Variants in EFR3A observed in about 807,000 individuals in gnomAD.
EFR3A encodes EFR3 homolog A.
EFR3A carries 76 observed loss-of-function variants against 104.4 expected under a neutral mutation model. The observed-to-expected ratio is 0.73, with a 90% CI of 0.60 to 0.88. The LOEUF is 0.88. Ranked by LOEUF, EFR3A falls within the 40% of genes least tolerant of loss-of-function variation. The probability of loss-of-function intolerance (pLI) is 0.00; values close to 1 mark genes in which losing one functional copy is unlikely to be tolerated. For missense variants in EFR3A, 985 were observed against 1,012.5 expected, an observed-to-expected ratio of 0.97 and a Z score of 0.37; for synonymous variants, 330 against 330.0, an observed-to-expected ratio of 1.00 and a Z score of 0.00.
At chr8:131,963,844 C>G (rs1244780092) in intron 8 of EFR3A, among the ~76,000 whole-genome samples, 1 of 152,212 alleles carries the variant, frequency 6.6e-6, no homozygotes, top group Non-Finnish European at 1.5e-5. Flanking sequence ...CAAACCAAAT[C>G]CAGCAGCACA....
intron 7 of EFR3A, 82 bp from the exon 8 acceptor site, chr8:131,959,503 A>T: frequency 9.1e-7 from 1 of 1,098,538 alleles, no homozygotes; most frequent in Non-Finnish European, 1.3e-6. Flanking sequence ...TCTCACTATT[A>T]AGCTTTTCCT....
At chr8:131,935,866 CTT>C (rs371148052) in intron 1 of EFR3A, among the ~76,000 whole-genome samples, 3 of 139,932 alleles carry the variant, frequency 2.1e-5, no homozygotes, top group African/African-American at 7.9e-5. Context: ...TTAAAGGGGT[CTT>C]TTTTTTTTTA....
intron 17 of EFR3A, among the ~76,000 whole-genome samples, chr8:131,987,048 T>C (rs1203710683): frequency 6.6e-6 from 1 of 152,080 alleles, no homozygotes; most frequent in Admixed American, 6.6e-5. Context: ...ATATGAATAA[T>C]ATTTTGTTTG....
At chr8:131,963,944 C>T (rs1819548215) in intron 8 of EFR3A, among the ~76,000 whole-genome samples, 1 of 152,140 alleles carries the variant, frequency 6.6e-6, no homozygotes, top group African/African-American at 2.4e-5. Context: ...TGTAATCCAG[C>T]ATATAAACAG....
intron 1 of EFR3A, among the ~76,000 whole-genome samples, chr8:131,923,353 TG>T (rs1817143560): frequency 6.6e-6 from 1 of 152,150 alleles, no homozygotes; most frequent in Non-Finnish European, 1.5e-5. Context: ...TCTTTTAAAT[TG>T]TTTAATTGTG....
At chr8:131,996,234 A>G (rs1821476228) in intron 18 of EFR3A, among the ~76,000 whole-genome samples, 172 bp from the exon 19 acceptor site, 1 of 152,156 alleles carries the variant, frequency 6.6e-6, no homozygotes, top group Non-Finnish European at 1.5e-5. Context: ...AATCTGCTTC[A>G]CGAAATGTAA....
At chr8:131,948,775 A>T (rs919399185) in intron 4 of EFR3A, among the ~76,000 whole-genome samples, 4 of 152,126 alleles carry the variant, frequency 2.6e-5, no homozygotes, top group Non-Finnish European at 5.9e-5. Context: ...ATGCCATGTT[A>T]TCTTGACCAA....
chr8:131,972,745 A>G lies in EFR3A; in HGVS notation c.1159+2102A>G, dbSNP rs530884304. On this transcript the variant is annotated intron_variant, in intron 10 of 22. Transcript: ENST00000254624. ...TCTAACCTAATAATAGTTTCAATTA[A>G]TAGTAGAGTCATATATAAATTTCTT... Among the ~76,000 whole-genome samples, 6 of 152,284 alleles carry G rather than the reference A, an allele frequency of 3.9e-5. No individual in the cohort carries two copies. The South Asian group carries it at 1.2e-3, about 32-fold the overall frequency.
chr8:131,946,101 A>G (rs1028537869), intron 3 of EFR3A, among the ~76,000 whole-genome samples: 3 of 152,060 alleles, frequency 2.0e-5, no homozygotes, highest in South Asian at 2.1e-4. Context: ...ATTTAGACAT[A>G]TAAGTAGATT....
At chr8:131,946,051 A>G (rs1352109331) in intron 3 of EFR3A, among the ~76,000 whole-genome samples, 1 of 152,076 alleles carries the variant, frequency 6.6e-6, no homozygotes, top group African/African-American at 2.4e-5. Flanking sequence ...TGAGATTTTT[A>G]AAATAATATT....
At chr8:131,937,451 A>G (rs575734970) in intron 1 of EFR3A, among the ~76,000 whole-genome samples, 3 of 152,248 alleles carry the variant, frequency 2.0e-5, no homozygotes, top group Admixed American at 2.0e-4. Context: ...GTTATAATTT[A>G]TCCACTGTGT....
intron 1 of EFR3A, among the ~76,000 whole-genome samples, chr8:131,909,148 G>A (rs1816388570): frequency 6.6e-6 from 1 of 152,174 alleles, no homozygotes; most frequent in South Asian, 2.1e-4. Flanking sequence ...TCCCCCACAT[G>A]CTTCTGGCCT....
At chr8:131,981,036 TATATATATAC>T (rs140665251) in intron 14 of EFR3A, among the ~76,000 whole-genome samples, 46,785 of 148,848 alleles carry the variant, frequency 0.31, 7,730 homozygotes, top group East Asian at 0.61. Context: ...TATATATATA[TATATATATAC>T]ACACACTACA....
chr8:131,950,304 C>T (rs973314912), intron 5 of EFR3A, among the ~76,000 whole-genome samples: 4 of 152,176 alleles, frequency 2.6e-5, no homozygotes, highest in Admixed American at 2.0e-4. Context: ...TAGAATGTCT[C>T]TTCATGCCCT....
chr8:131,989,363 CCAT>C (rs898387935), intron 18 of EFR3A, among the ~76,000 whole-genome samples: 3 of 152,022 alleles, frequency 2.0e-5, no homozygotes, highest in African/African-American at 7.2e-5. Context: ...CATGTAGTAC[CCAT>C]CATCATCACA....
chr8:131,977,148 T>C (rs1469737484), intron 12 of EFR3A, 56 bp downstream of exon 12: 1 of 1,238,922 alleles, frequency 8.1e-7, no homozygotes, highest in Non-Finnish European at 1.2e-6. Context: ...CTGAAAACAT[T>C]AATTGAATAG....
rs1027418728 is a variant in EFR3A at position 132,010,343 on chromosome 8, T to C, written c.2361-447T>C. 2.0e-5 allele frequency among the ~76,000 whole-genome samples: 3 copies of C among 147,628 alleles called. No homozygotes were observed. The South Asian group carries it at 6.3e-4, about 31-fold the overall frequency. On this transcript the variant is annotated intron_variant, in intron 22 of 22. Coordinates refer to ENST00000254624, the MANE Select transcript of EFR3A (RefSeq NM_015137.6). ...TGTATAAGAACAGACTTTTTAACAT[T>C]ATTTATCATGATGAAAAAATGAAAA... is the stretch of plus-strand genomic sequence containing the variant.
At position 132,010,913 on chromosome 8, in the gene EFR3A, C is replaced by T. The variant is rs771395841; in HGVS notation, c.*18C>T. 4.4e-6 allele frequency: 7 copies of T among 1,577,058 alleles called. No individual in the cohort carries two copies. In the African/African-American group the frequency reaches 5.4e-5, roughly 12 times the overall value. ...TGTACTGATCGGCGCATGAAGACCT[C>T]AGGATATGATTTGTAAAGCCTAAAA... On this transcript the variant is annotated 3_prime_UTR_variant, in exon 23 of 23. Transcript: ENST00000254624.
chr8:131,973,315 T>C (rs544419963), intron 10 of EFR3A, among the ~76,000 whole-genome samples: 1 of 152,194 alleles, frequency 6.6e-6, no homozygotes, highest in African/African-American at 2.4e-5. Flanking sequence ...TTATAGATTT[T>C]TTGCGATATT....
Sources: allele counts gnomAD v4.1 joint callset (sites outside exome capture counted in the v4.1 genomes callset), GRCh38; gene constraint gnomAD v4.1.1; transcripts MANE v1.5; gene names NCBI Gene and HGNC (gene_info 2026-07-23, HGNC 2026-07-21).